Variants in AUTS2 observed in about 807,000 individuals in gnomAD.
The protein encoded by AUTS2 is autism susceptibility gene 2 protein.
A neutral mutation model predicts 112.4 loss-of-function variants in AUTS2; 17 were observed. The observed-to-expected ratio is 0.15, with a 90% CI of 0.10 to 0.23. AUTS2 has a LOEUF of 0.23. AUTS2 is among the 10% of genes least tolerant of loss of function. The pLI is 1.00. For synonymous variants in AUTS2, 751 were observed against 702.7 expected (o/e 1.07, Z -1.09); for missense variants, 1,510 against 1,701.6 (o/e 0.89, Z 1.98).
chr7:69,739,647 A>G (rs1031142670), intron 1 of AUTS2, among the ~76,000 whole-genome samples: 1 of 152,112 alleles, frequency 6.6e-6, no homozygotes, highest in Non-Finnish European at 1.5e-5. Flanking sequence ...AGTTTTAAAA[A>G]TCTCCCACCC....
intron 6 of AUTS2, among the ~76,000 whole-genome samples, chr7:70,708,393 G>A (rs1027240907): frequency 2.6e-5 from 4 of 152,072 alleles, no homozygotes; most frequent in South Asian, 2.1e-4. Flanking sequence ...CCATTGATTC[G>A]TTCAATTGGC....
intron 1 of AUTS2, among the ~76,000 whole-genome samples, chr7:69,689,446 G>C (rs1340622512): frequency 3.4e-5 from 5 of 147,394 alleles, no homozygotes; most frequent in Non-Finnish European, 6.0e-5. Flanking sequence ...CACCTCCTGG[G>C]TTCAAGCGAT....
At chr7:70,334,965 A>T (rs934168639) in intron 4 of AUTS2, among the ~76,000 whole-genome samples, 13 of 152,118 alleles carry the variant, frequency 8.5e-5, no homozygotes. Flanking sequence ...CTCCTGGGCC[A>T]AGGTTCCTGA....
At chr7:70,413,782 A>G (rs1342776843) in intron 4 of AUTS2, among the ~76,000 whole-genome samples, 3 of 152,038 alleles carry the variant, frequency 2.0e-5, no homozygotes, top group African/African-American at 2.4e-5. Flanking sequence ...AGCTCAAGCA[A>G]TCCTCCTACT....
intron 4 of AUTS2, among the ~76,000 whole-genome samples, chr7:70,394,483 A>G (rs1003130998): frequency 3.3e-5 from 5 of 152,220 alleles, no homozygotes; most frequent in African/African-American, 1.2e-4. Context: ...TGCCAACCAT[A>G]GTCCTAAATG....
chr7:69,718,877 C>G (rs571997703), intron 1 of AUTS2, among the ~76,000 whole-genome samples: 2 of 152,136 alleles, frequency 1.3e-5, no homozygotes, highest in Non-Finnish European at 2.9e-5. Flanking sequence ...GTGTCTTGTG[C>G]GAGTGGTGGG....
chr7:70,689,182 C>T (rs936773560), intron 5 of AUTS2, among the ~76,000 whole-genome samples: 1 of 152,016 alleles, frequency 6.6e-6, no homozygotes. Flanking sequence ...CATGGCAAAA[C>T]ACCATCTCTA....
At chr7:69,677,264 C>T (rs1796605555) in intron 1 of AUTS2, among the ~76,000 whole-genome samples, 1 of 152,136 alleles carries the variant, frequency 6.6e-6, no homozygotes, top group Non-Finnish European at 1.5e-5. Flanking sequence ...ATCACTCTAC[C>T]TTGACTAATA....
intron 1 of AUTS2, among the ~76,000 whole-genome samples, chr7:69,892,485 T>A (rs935830201): frequency 6.6e-6 from 1 of 152,210 alleles, no homozygotes; most frequent in South Asian, 2.1e-4. Context: ...ACAAAACTTA[T>A]CAGATACACA....
intron 1 of AUTS2, among the ~76,000 whole-genome samples, chr7:69,688,444 C>G (rs941386895): frequency 7.9e-5 from 12 of 152,150 alleles, no homozygotes; most frequent in African/African-American, 4.8e-5. Flanking sequence ...CTGTGCATAA[C>G]AATATATTCT....
chr7:70,168,252 A>G (rs1029056125), intron 4 of AUTS2, among the ~76,000 whole-genome samples: 5 of 152,168 alleles, frequency 3.3e-5, no homozygotes, highest in African/African-American at 1.2e-4. Flanking sequence ...CAGTCTGTCT[A>G]CAAACATTTA....
In AUTS2 at chr7:70,643,818, A is replaced by C. The variant is rs535091665; in HGVS notation, c.691-54751A>C. On this transcript the variant is annotated intron_variant, in intron 5 of 18. Transcript: ENST00000342771. Reference sequence around the variant, plus strand: ...GTATTCCCATACCCACAATTCAGCCAGTTACCAAAGCCCCACATCAGCAAG... The same window carrying C: ...GTATTCCCATACCCACAATTCAGCCCGTTACCAAAGCCCCACATCAGCAAG... Among the ~76,000 whole-genome samples the C allele has an allele frequency of 4.5e-4, 68 of 152,278 alleles. 3 individuals are homozygous for C. The South Asian group carries it at 0.013, about 29-fold the overall frequency.
intron 5 of AUTS2, among the ~76,000 whole-genome samples, chr7:70,554,710 G>T (rs1240706474): frequency 1.3e-5 from 2 of 152,194 alleles, no homozygotes; most frequent in Middle Eastern, 3.2e-3. Context: ...AAAATCTGCT[G>T]CCCTGTGCAG....
intron 1 of AUTS2, among the ~76,000 whole-genome samples, chr7:69,716,147 A>G (rs1218764389): frequency 2.6e-5 from 4 of 152,068 alleles, no homozygotes. Flanking sequence ...TAAGATTGAC[A>G]TTTTTCATTT....
Position 70,698,563 on chromosome 7 carries a change from T to C in AUTS2, c.691-6T>C. 6.2e-7 allele frequency: 1 copy of C among 1,605,592 alleles called. No individual in the cohort carries two copies. Among genetic ancestry groups the C allele is most frequent in the Non-Finnish European group, 8.5e-7 (1 of 1,175,700 alleles). On this transcript the variant is annotated splice_region_variant and splice_polypyrimidine_tract_variant and intron_variant, in intron 5 of 18. Transcript: ENST00000342771. ...TAATGCTTTTTTCCCCCTTCTTGTTTTTCAGGCATCAGATGCCAGCTCTGA... is the reference window on the plus strand; with the variant it reads ...TAATGCTTTTTTCCCCCTTCTTGTTCTTCAGGCATCAGATGCCAGCTCTGA...
chr7:70,562,695 T>A (rs1374059810), intron 5 of AUTS2, among the ~76,000 whole-genome samples: 1 of 152,138 alleles, frequency 6.6e-6, no homozygotes, highest in Non-Finnish European at 1.5e-5. Context: ...TTAATAGAGG[T>A]AGAGGCTCAG....
At chr7:70,106,106 C>T (rs953742187) in intron 2 of AUTS2, among the ~76,000 whole-genome samples, 2 of 152,068 alleles carry the variant, frequency 1.3e-5, no homozygotes, top group Non-Finnish European at 2.9e-5. Context: ...ATCTCATTTC[C>T]TAAGTCTGTT....
chr7:70,672,630 A>G (rs1159465958), intron 5 of AUTS2, among the ~76,000 whole-genome samples: 2 of 151,844 alleles, frequency 1.3e-5, no homozygotes, highest in African/African-American at 2.4e-5. Flanking sequence ...TTGAGACGGA[A>G]TCTCACTCTG....
At chr7:70,722,258 A>G (rs997910864) in intron 6 of AUTS2, among the ~76,000 whole-genome samples, 2 of 151,470 alleles carry the variant, frequency 1.3e-5, no homozygotes, top group African/African-American at 2.4e-5. Flanking sequence ...TTACCCAATT[A>G]TTTTTTAATT....
Sources: gnomAD v4.1 joint callset for allele counts (sites outside exome capture counted in the v4.1 genomes callset) on GRCh38, gnomAD v4.1.1 for gene constraint, MANE v1.5 for transcripts, NCBI Gene and HGNC (gene_info 2026-07-23, HGNC 2026-07-21) for gene names.